The following PDE10A variants were observed in gnomAD, a reference collection of about 807,000 sequenced individuals.
PDE10A encodes cAMP and cAMP-inhibited cGMP 3',5'-cyclic phosphodiesterase 10A.
In PDE10A, 39 loss-of-function variants were observed where a neutral mutation model predicts 97.7. The ratio of observed to expected loss-of-function variants is 0.40; its 90% CI spans 0.31 to 0.52. PDE10A has a LOEUF of 0.52. Among genes scored for constraint, PDE10A ranks in the 20% least tolerant of loss-of-function variants. PDE10A has a pLI of 0.56. For synonymous variants in PDE10A, 371 were observed against 376.8 expected, an observed-to-expected ratio of 0.98 and a Z score of 0.18; for missense variants, 731 against 1,047.8, an observed-to-expected ratio of 0.70 and a Z score of 4.17.
chr6:165,582,772 A>C (rs1040648107), intron 1 of PDE10A, among the ~76,000 whole-genome samples: 5 of 151,892 alleles, frequency 3.3e-5, no homozygotes, highest in African/African-American at 1.2e-4. Flanking sequence ...ACGAACTTTT[A>C]TCTCTTGAAG....
At chr6:165,631,925 G>A (rs1333508291) in intron 1 of PDE10A, among the ~76,000 whole-genome samples, 2 of 152,144 alleles carry the variant, frequency 1.3e-5, no homozygotes, top group East Asian at 1.9e-4. Flanking sequence ...TCTAGGCCAG[G>A]CATGGTGGCT....
Position 165,449,107 on chromosome 6 carries a change from T to C in PDE10A, c.1145-130A>G, listed in dbSNP as rs1562477913. The C allele has an allele frequency of 1.7e-5, 11 of 650,754 alleles. No homozygotes were observed. In the East Asian group the frequency reaches 2.3e-4, roughly 14 times the overall value. 40.3% of individuals were successfully genotyped at this position (650,754 alleles called of 1,614,324 possible). On this transcript the variant is annotated intron_variant, in intron 4 of 21. Transcript: ENST00000539869. Reference sequence around the variant, plus strand: ...GTTAACAGAATCAATGGTCATGCAGTAAATGGAACAAAATCACTTATGGCT... The same window carrying C: ...GTTAACAGAATCAATGGTCATGCAGCAAATGGAACAAAATCACTTATGGCT...
intron 1 of PDE10A, among the ~76,000 whole-genome samples, chr6:165,910,055 G>A (rs1782409876): frequency 6.6e-6 from 1 of 152,118 alleles, no homozygotes. Flanking sequence ...GCAAGGCTCG[G>A]GGATTTTACT....
intron 1 of PDE10A, among the ~76,000 whole-genome samples, chr6:165,954,912 G>A (rs3914143): frequency 0.059 from 9,017 of 152,036 alleles, 306 homozygotes; most frequent in Middle Eastern, 0.19. Context: ...AAAGCAACAG[G>A]CTTTGTTATT....
chr6:165,569,883 T>C (rs540075054), intron 1 of PDE10A, among the ~76,000 whole-genome samples: 1 of 152,320 alleles, frequency 6.6e-6, no homozygotes, highest in East Asian at 1.9e-4. Context: ...AAGTGTTTGT[T>C]TTCTGGAGAG....
intron 1 of PDE10A, among the ~76,000 whole-genome samples, chr6:165,720,596 C>A (rs1357404110): frequency 6.6e-6 from 1 of 152,202 alleles, no homozygotes; most frequent in Non-Finnish European, 1.5e-5. Flanking sequence ...TATTTTTGAA[C>A]TTCTGGTTTG....
chr6:165,760,200 T>C (rs1793216763), intron 1 of PDE10A, among the ~76,000 whole-genome samples: 1 of 152,232 alleles, frequency 6.6e-6, no homozygotes, highest in African/African-American at 2.4e-5. Flanking sequence ...AAAAGTACAC[T>C]ACCACGAAGG....
intron 1 of PDE10A, among the ~76,000 whole-genome samples, chr6:165,958,769 A>AAAGAAAGAAAGC (rs1784270649): frequency 1.7e-5 from 2 of 119,394 alleles, no homozygotes; most frequent in East Asian, 6.9e-4. Context: ...AAGAAAGAAG[A>AAAGAAAGAAAGC]AAGCAAGCCA....
chr6:165,818,007 C>T (rs1056347833), intron 1 of PDE10A, among the ~76,000 whole-genome samples: 2 of 152,318 alleles, frequency 1.3e-5, no homozygotes, highest in African/African-American at 2.4e-5. Flanking sequence ...GTACTTCACA[C>T]GGTGGCATGT....
At chr6:165,803,641 C>G (rs944597007) in intron 1 of PDE10A, among the ~76,000 whole-genome samples, 2 of 152,276 alleles carry the variant, frequency 1.3e-5, no homozygotes, top group Non-Finnish European at 2.9e-5. Flanking sequence ...ACTGGGTGAA[C>G]GAGTGATGTC....
intron 1 of PDE10A, among the ~76,000 whole-genome samples, chr6:165,683,585 G>A (rs1791035734): frequency 6.6e-6 from 1 of 152,162 alleles, no homozygotes; most frequent in Non-Finnish European, 1.5e-5. Context: ...TGAATATTAA[G>A]TGCCGTGTTT....
In PDE10A at chr6:165,716,046, C is replaced by G. The variant is rs146817846; in HGVS notation, c.-614-172478G>C. Reference sequence around the variant, plus strand: ...ACACGTTGAGGATAAACAATTAGAACGGAGCTGTTCTGAGAGAAAGACCGC... The same window carrying G: ...ACACGTTGAGGATAAACAATTAGAAGGGAGCTGTTCTGAGAGAAAGACCGC... On this transcript the variant is annotated intron_variant, in intron 1 of 19. Coordinates refer to the PDE10A transcript ENST00000366882. Among the ~76,000 whole-genome samples the G allele has an allele frequency of 9.2e-3, 1,400 of 152,244 alleles. 20 individuals carry two copies. The highest frequency in any genetic ancestry group is 0.031 in the African/African-American group (1,308 of 41,538).
intron 1 of PDE10A, among the ~76,000 whole-genome samples, chr6:165,765,521 G>A (rs1777815729): frequency 1.3e-5 from 2 of 152,278 alleles, no homozygotes; most frequent in Non-Finnish European, 1.5e-5. Context: ...CGCAGCCGCT[G>A]GCCCGGGTGC....
chr6:165,803,222 T>C (rs1030220552), intron 1 of PDE10A, among the ~76,000 whole-genome samples: 5 of 152,214 alleles, frequency 3.3e-5, no homozygotes, highest in African/African-American at 1.2e-4. Context: ...AAATTCACCA[T>C]TTGGACACAA....
At chr6:165,837,150 GTAAC>G (rs1338544098) in intron 1 of PDE10A, among the ~76,000 whole-genome samples, 2 of 151,578 alleles carry the variant, frequency 1.3e-5, no homozygotes, top group Non-Finnish European at 2.9e-5. Flanking sequence ...GTATACATAT[GTAAC>G]TAACCTGCAC....
intron 1 of PDE10A, among the ~76,000 whole-genome samples, chr6:165,812,638 G>A (rs993001004): frequency 6.6e-6 from 1 of 152,140 alleles, no homozygotes; most frequent in African/African-American, 2.4e-5. Flanking sequence ...ATTAATTATG[G>A]TGTGGTGAAA....
chr6:165,692,565 C>T (rs1434086128), intron 1 of PDE10A, among the ~76,000 whole-genome samples: 1 of 152,192 alleles, frequency 6.6e-6, no homozygotes, highest in Non-Finnish European at 1.5e-5. Context: ...CCCCCTCTCT[C>T]CTGCTGGTCT....
intron 1 of PDE10A, among the ~76,000 whole-genome samples, chr6:165,943,226 A>AAGGAAG (rs1783614663): frequency 1.2e-4 from 6 of 50,050 alleles, no homozygotes; most frequent in African/African-American, 3.5e-4. Flanking sequence ...AAAGAAAGAA[A>AAGGAAG]GAAAGAAAGA....
chr6:165,652,294 T>C (rs1488547638), intron 1 of PDE10A, among the ~76,000 whole-genome samples: 1 of 152,142 alleles, frequency 6.6e-6, no homozygotes, highest in Admixed American at 6.5e-5. Flanking sequence ...TCTCCCTCTG[T>C]TGCCCAGGCT....
Sources: gnomAD v4.1 joint callset for allele counts (sites outside exome capture counted in the v4.1 genomes callset) on GRCh38, gnomAD v4.1.1 for gene constraint, MANE v1.5 for transcripts, NCBI Gene and HGNC (gene_info 2026-07-23, HGNC 2026-07-21) for gene names.